TLL1: variants seen among roughly 807,000 people sequenced by gnomAD.
The protein encoded by TLL1 is tolloid like 1, also known as tolloid-like protein 1.
In TLL1, 49 loss-of-function variants were observed where a neutral mutation model predicts 128.2. The observed-to-expected ratio is 0.38, with a 90% CI of 0.30 to 0.48. The LOEUF (loss-of-function observed/expected upper bound fraction) is 0.48. TLL1 is among the 20% of genes least tolerant of loss of function. TLL1 has a pLI of 0.96. For missense variants in TLL1, 1,123 were observed against 1,242.0 expected, an observed-to-expected ratio of 0.90 and a Z score of 1.44; for synonymous variants, 454 against 418.8, an observed-to-expected ratio of 1.08 and a Z score of -1.03.
intron 1 of TLL1, among the ~76,000 whole-genome samples, chr4:165,982,951 C>T (rs182140795): frequency 2.2e-4 from 33 of 151,638 alleles, no homozygotes; most frequent in African/African-American, 6.0e-4. Context: ...AAATATATGA[C>T]GTGGGAAATA....
chr4:166,041,965 A>G, intron 10 of TLL1, 62 bp from the exon 11 acceptor site: 2 of 1,198,018 alleles, frequency 1.7e-6, no homozygotes, highest in Non-Finnish European at 2.5e-6. Context: ...GACTAGTACA[A>G]AAAGAACGTA....
chr4:166,062,835 G>A (rs1389063710), intron 15 of TLL1, among the ~76,000 whole-genome samples: 2 of 152,108 alleles, frequency 1.3e-5, no homozygotes, highest in Non-Finnish European at 2.9e-5. Context: ...TGCCCATTCA[G>A]TATGATATTG....
At chr4:166,044,166 T>A (rs975094726) in intron 12 of TLL1, among the ~76,000 whole-genome samples, 1 of 152,180 alleles carries the variant, frequency 6.6e-6, no homozygotes, top group African/African-American at 2.4e-5. Flanking sequence ...AACAATGAGA[T>A]GCAGGTGGTA....
chr4:166,065,902 T>A (rs1217510745), intron 16 of TLL1, 39 bp downstream of exon 16: 13 of 1,329,044 alleles, frequency 9.8e-6, no homozygotes, highest in Non-Finnish European at 1.3e-5. Context: ...TATTACAGAT[T>A]TTCAATGTGG....
intron 1 of TLL1, chr4:165,919,873 G>A (rs1211469403): frequency 4.4e-6 from 2 of 455,176 alleles, no homozygotes; most frequent in Admixed American, 4.7e-5. Flanking sequence ...CAATGCCTGG[G>A]CTGCCCGAGC....
At chr4:166,061,318 T>G (rs188166555) in intron 15 of TLL1, among the ~76,000 whole-genome samples, 1,530 of 151,332 alleles carry the variant, frequency 0.01, 25 homozygotes, top group African/African-American at 0.031. Flanking sequence ...CTATCTTGAC[T>G]CACTGCAACC....
intron 1 of TLL1, among the ~76,000 whole-genome samples, chr4:165,950,547 C>T (rs535474185): frequency 2.0e-5 from 3 of 151,904 alleles, no homozygotes; most frequent in East Asian, 1.9e-4. Flanking sequence ...GTTAAAAAAT[C>T]GAAATTATTC....
intron 1 of TLL1, among the ~76,000 whole-genome samples, chr4:165,939,746 A>G (rs2110920629): frequency 6.6e-6 from 1 of 151,512 alleles, no homozygotes; most frequent in Admixed American, 6.6e-5. Flanking sequence ...GATAGTGTCT[A>G]GATTTTGGTT....
chr4:165,985,218 C>T, intron 1 of TLL1, among the ~76,000 whole-genome samples: 1 of 151,912 alleles, frequency 6.6e-6, no homozygotes, highest in East Asian at 1.9e-4. Context: ...ACAGTCAGGA[C>T]ATGGAAGTAG....
intron 16 of TLL1, among the ~76,000 whole-genome samples, chr4:166,073,253 G>A (rs1016019941): frequency 1.3e-5 from 2 of 152,094 alleles, no homozygotes; most frequent in Non-Finnish European, 2.9e-5. Context: ...GAAAATGCAG[G>A]CAGCTGATAC....
intron 1 of TLL1, among the ~76,000 whole-genome samples, chr4:165,918,559 T>C (rs1283896116): frequency 6.6e-6 from 1 of 152,098 alleles, no homozygotes; most frequent in Non-Finnish European, 1.5e-5. Context: ...AAAAACATTT[T>C]CTGGGTTTTT....
intron 5 of TLL1, among the ~76,000 whole-genome samples, chr4:165,996,370 A>G (rs1736874622): frequency 6.6e-6 from 1 of 152,192 alleles, no homozygotes; most frequent in African/African-American, 2.4e-5. Context: ...GCACTTTAAG[A>G]GGCCGAGGCA....
At chr4:166,039,729 C>A (rs1353522638) in intron 10 of TLL1, among the ~76,000 whole-genome samples, 2 of 151,786 alleles carry the variant, frequency 1.3e-5, no homozygotes, top group Admixed American at 1.3e-4. Context: ...CATGAGTACT[C>A]CTCACAGTGT....
At chr4:166,003,043 A>AGAAAT in intron 5 of TLL1, among the ~76,000 whole-genome samples, 1 of 152,326 alleles carries the variant, frequency 6.6e-6, no homozygotes, top group East Asian at 1.9e-4. Context: ...GCTTCAGCTT[A>AGAAAT]ACTATATGTC....
intron 12 of TLL1, among the ~76,000 whole-genome samples, chr4:166,045,645 A>T (rs1739430304): frequency 6.6e-6 from 1 of 152,086 alleles, no homozygotes; most frequent in Admixed American, 6.6e-5. Flanking sequence ...TTTCCATCAC[A>T]CCTAAAATAA....
intron 1 of TLL1, among the ~76,000 whole-genome samples, chr4:165,878,562 T>C (rs1224522612): frequency 6.6e-6 from 1 of 152,006 alleles, no homozygotes; most frequent in Non-Finnish European, 1.5e-5. Context: ...TTGTTAGGTG[T>C]GAAAAAGATA....
At chr4:166,017,698 T>G (rs1738017274) in intron 8 of TLL1, among the ~76,000 whole-genome samples, 1 of 152,032 alleles carries the variant, frequency 6.6e-6, no homozygotes, top group African/African-American at 2.4e-5. Context: ...GTTCTTTCTC[T>G]TTTTTTATGT....
intron 12 of TLL1, among the ~76,000 whole-genome samples, chr4:166,050,800 T>G (rs1191944815): frequency 6.6e-6 from 1 of 152,184 alleles, no homozygotes; most frequent in African/African-American, 2.4e-5. Context: ...GTTAAATTTA[T>G]TTTAGTTGTT....
At chr4:165,906,025 A>G (rs1732237950) in intron 1 of TLL1, among the ~76,000 whole-genome samples, 1 of 152,124 alleles carries the variant, frequency 6.6e-6, no homozygotes. Context: ...ATAATTCAGG[A>G]GTCAGCAAAC....
Sources: gnomAD v4.1 joint callset for allele counts (sites outside exome capture counted in the v4.1 genomes callset) on GRCh38, gnomAD v4.1.1 for gene constraint, MANE v1.5 for transcripts, NCBI Gene and HGNC (gene_info 2026-07-23, HGNC 2026-07-21) for gene names.